Variants in LAMB1 observed in about 807,000 individuals in gnomAD.
The protein encoded by LAMB1 is laminin subunit beta 1.
LAMB1 carries 121 observed loss-of-function variants against 222.3 expected under a neutral mutation model. That is an observed-to-expected ratio of 0.54 (90% CI 0.47 to 0.63). The LOEUF is 0.63. LAMB1 is among the 30% of genes least tolerant of loss of function. The pLI, the probability that LAMB1 is intolerant of heterozygous loss-of-function variation, is 0.00. For missense variants in LAMB1, 2,172 were observed against 2,240.8 expected, an observed-to-expected ratio of 0.97 and a Z score of 0.62; for synonymous variants, 794 against 807.2, an observed-to-expected ratio of 0.98 and a Z score of 0.28.
intron 24 of LAMB1, among the ~76,000 whole-genome samples, chr7:107,945,470 T>C (rs1251293935): frequency 6.6e-6 from 1 of 152,240 alleles, no homozygotes; most frequent in Non-Finnish European, 1.5e-5. Context: ...AATCTCTCCA[T>C]GACTCTCCAG....
intron 13 of LAMB1, among the ~76,000 whole-genome samples, chr7:107,967,745 T>A (rs538321177): frequency 1.3e-5 from 2 of 151,960 alleles, no homozygotes; most frequent in Non-Finnish European, 2.9e-5. Context: ...CTAAATGATA[T>A]ACAGAAAGAG....
rs776973759 is a variant in LAMB1 at position 107,964,622 on chromosome 7, A to C, written c.1628T>G (p.Val543Gly). The C allele has an allele frequency of 1.9e-6, 3 of 1,614,072 alleles. No homozygotes were observed. Among genetic ancestry groups the C allele is most frequent in the Non-Finnish European group, 2.5e-6 (3 of 1,180,008 alleles). Residue 543 changes from valine to glycine, a missense_variant, in exon 14 of 34, where the codon GTG (valine) becomes GGG (glycine). Coordinates refer to ENST00000222399, the MANE Select transcript of LAMB1 (RefSeq NM_002291.3). The stretch of plus-strand genomic sequence containing the variant: ...GGTGGCAAAGTAGTAACCAGGTTCC[A>C]CTTCGTTGCACTGACGTCCAATCAT... ...PHMIGRQCNE[V>G]EPGYYFATLD...
intron 27 of LAMB1, among the ~76,000 whole-genome samples, chr7:107,934,796 T>G (rs2032799096): frequency 1.3e-5 from 2 of 151,566 alleles, no homozygotes; most frequent in African/African-American, 4.9e-5. Context: ...CTGGGTGTGG[T>G]GGCACATGCC....
intron 9 of LAMB1, among the ~76,000 whole-genome samples, chr7:107,977,513 C>T (rs866971542): frequency 1.3e-5 from 2 of 152,112 alleles, no homozygotes; most frequent in African/African-American, 2.4e-5. Context: ...AGCCCTGGCG[C>T]GGTGGCTCAC....
At chr7:107,998,057 A>T (rs577624632) in intron 4 of LAMB1, among the ~76,000 whole-genome samples, 11 of 152,282 alleles carry the variant, frequency 7.2e-5, no homozygotes, top group Admixed American at 1.3e-4. Context: ...GATAGTACCC[A>T]TACCCTCCCC....
Position 107,967,721 on chromosome 7 carries a change from T to G in LAMB1, c.1563-3034A>C, listed in dbSNP as rs2033662798. Among the ~76,000 whole-genome samples, 5 of 152,090 alleles carry G rather than the reference T, an allele frequency of 3.3e-5. No individual in the cohort carries two copies. In the South Asian group the frequency reaches 1.0e-3, roughly 32 times the overall value. On this transcript the variant is annotated intron_variant, in intron 13 of 33. Coordinates refer to ENST00000222399, the MANE Select transcript of LAMB1 (RefSeq NM_002291.3). ...AATGAATCCTTACTTCCTCACTAAG[T>G]CTATTATTTCTGGCTAAATGATATA...
At chr7:107,968,121 C>G (rs2033670834) in intron 13 of LAMB1, among the ~76,000 whole-genome samples, 1 of 152,082 alleles carries the variant, frequency 6.6e-6, no homozygotes, top group Non-Finnish European at 1.5e-5. Flanking sequence ...CCTCCCAGCT[C>G]GGAGGCCCTC....
In LAMB1 at chr7:107,924,335, T is replaced by G; in HGVS notation, c.5119A>C (p.Lys1707Gln). ...GCATCAGCTGACTCTTCAGTTTTTT[T>G]GGCAATTAAATTTTCTACTTTTTTA... ...KYKKVENLIA[K>Q]KTEESADARR... Residue 1707 changes from lysine (K) to glutamine (Q), a missense_variant, in exon 33 of 34, where the codon AAA becomes CAA. Coordinates refer to ENST00000222399, the MANE Select transcript of LAMB1 (RefSeq NM_002291.3). 6.2e-7 allele frequency: 1 copy of G among 1,612,870 alleles called. No homozygotes were observed. Among genetic ancestry groups the G allele is most frequent in the Non-Finnish European group, 8.5e-7 (1 of 1,179,428 alleles).
At chr7:107,999,487 G>T (rs951447233) in intron 3 of LAMB1, among the ~76,000 whole-genome samples, 1 of 152,140 alleles carries the variant, frequency 6.6e-6, no homozygotes, top group Non-Finnish European at 1.5e-5. Flanking sequence ...TTAACTGACC[G>T]TACTTTTACG....
intron 12 of LAMB1, among the ~76,000 whole-genome samples, chr7:107,973,983 G>GTCT (rs1428761523): frequency 6.6e-6 from 1 of 151,970 alleles, no homozygotes; most frequent in African/African-American, 2.4e-5. Flanking sequence ...TAGAGATGGG[G>GTCT]TCTTGCTGGT....
At chr7:107,931,661 G>A (rs1584484255) in intron 28 of LAMB1, 161 bp from the exon 29 acceptor site, 11 of 668,168 alleles carry the variant, frequency 1.6e-5, no homozygotes, top group Non-Finnish European at 2.8e-5. Context: ...GTATCTTACA[G>A]ACTGCAAGTA....
At chr7:108,001,514 G>T in intron 3 of LAMB1, 44 bp downstream of exon 3, 1 of 1,532,604 alleles carries the variant, frequency 6.5e-7, no homozygotes, top group East Asian at 2.3e-5. Flanking sequence ...GTCTGGACGG[G>T]AGGAGGCGCT....
At chr7:107,967,165 T>G (rs575597810) in intron 13 of LAMB1, among the ~76,000 whole-genome samples, 87 of 152,352 alleles carry the variant, frequency 5.7e-4, no homozygotes, top group African/African-American at 1.9e-3. Context: ...TCCTCAGCTC[T>G]GCTGTTTCTG....
intron 20 of LAMB1, among the ~76,000 whole-genome samples, chr7:107,956,609 T>C (rs2150425225): frequency 6.6e-6 from 1 of 152,334 alleles, no homozygotes; most frequent in Non-Finnish European, 1.5e-5. Flanking sequence ...ACAGAGTCTG[T>C]CCTCCTAGGC....
intron 20 of LAMB1, among the ~76,000 whole-genome samples, chr7:107,958,709 T>G (rs564599841): frequency 4.6e-5 from 7 of 152,330 alleles, no homozygotes; most frequent in African/African-American, 1.7e-4. Context: ...TGGAGGTATA[T>G]TCTCTCTCCT....
intron 22 of LAMB1, 25 bp downstream of exon 22, chr7:107,953,505 T>C (rs1333644248): frequency 1.3e-6 from 2 of 1,495,500 alleles, no homozygotes; most frequent in African/African-American, 1.4e-5. Context: ...TTCTAAGAAG[T>C]GGGCAGAATA....
chr7:107,989,365 G>A (rs1250843826), intron 5 of LAMB1, among the ~76,000 whole-genome samples: 3 of 152,204 alleles, frequency 2.0e-5, no homozygotes, highest in Non-Finnish European at 1.5e-5. Flanking sequence ...ACTTACTTCC[G>A]AATTAAAACC....
At chr7:107,925,801 A>C (rs1470939478) in intron 32 of LAMB1, among the ~76,000 whole-genome samples, 1 of 151,896 alleles carries the variant, frequency 6.6e-6, no homozygotes, top group Non-Finnish European at 1.5e-5. Context: ...AATATTCTCA[A>C]ATGGCCTGAT....
chr7:107,942,590 A>G (rs1228081518), intron 24 of LAMB1: 1 of 152,248 alleles, frequency 6.6e-6, no homozygotes, highest in African/African-American at 2.4e-5. Flanking sequence ...GACCCTGGGT[A>G]ATCAGGAAAC....
Sources: gnomAD v4.1 joint callset for allele counts (sites outside exome capture counted in the v4.1 genomes callset) on GRCh38, gnomAD v4.1.1 for gene constraint, MANE v1.5 for transcripts, NCBI Gene and HGNC (gene_info 2026-07-23, HGNC 2026-07-21) for gene names.